Variants in HSD17B6 observed in about 807,000 individuals in gnomAD.
HSD17B6 encodes the protein 17-beta-hydroxysteroid dehydrogenase type 6.
A neutral mutation model predicts 26.4 loss-of-function variants in HSD17B6; 16 were observed. That is an observed-to-expected ratio of 0.61 (90% CI 0.41 to 0.92). HSD17B6 has a LOEUF of 0.92. Among genes scored for constraint, HSD17B6 ranks in the 40% least tolerant of loss-of-function variants. The pLI, the probability that HSD17B6 is intolerant of heterozygous loss-of-function variation, is 0.00. For missense variants in HSD17B6, 357 were observed against 386.1 expected (o/e 0.92, Z 0.63); for synonymous variants, 139 against 153.0 (o/e 0.91, Z 0.68).
chr12:56,773,786 T>C, intron 1 of HSD17B6, 48 bp from the exon 2 acceptor site: 2 of 1,472,094 alleles, frequency 1.4e-6, no homozygotes, highest in South Asian at 2.8e-5. Flanking sequence ...AATAGATATA[T>C]TGGTTAAATA....
intron 2 of HSD17B6, among the ~76,000 whole-genome samples, chr12:56,776,710 G>A (rs183791556): frequency 9.2e-5 from 14 of 152,154 alleles, no homozygotes; most frequent in East Asian, 5.8e-4. Context: ...GAAGTGCAGC[G>A]GTGCAATAAT....
intron 2 of HSD17B6, among the ~76,000 whole-genome samples, chr12:56,780,648 G>C (rs1386258332): frequency 6.6e-6 from 1 of 151,932 alleles, no homozygotes; most frequent in Non-Finnish European, 1.5e-5. Flanking sequence ...CACGAGGTCA[G>C]GAGATCGAGA....
intron 3 of HSD17B6, among the ~76,000 whole-genome samples, chr12:56,784,432 T>C (rs1409129850): frequency 1.3e-5 from 2 of 152,108 alleles, no homozygotes; most frequent in African/African-American, 2.4e-5. Context: ...CCCGGCACCT[T>C]GGGAGGCCAA....
At chr12:56,771,675 C>T (rs1954476981) in intron 1 of HSD17B6, among the ~76,000 whole-genome samples, 1 of 152,118 alleles carries the variant, frequency 6.6e-6, no homozygotes, top group Non-Finnish European at 1.5e-5. Flanking sequence ...CCAGGCTGAT[C>T]TCAAACTCCT....
intron 3 of HSD17B6, among the ~76,000 whole-genome samples, chr12:56,784,227 A>C (rs1371445463): frequency 6.7e-6 from 1 of 149,386 alleles, no homozygotes. Flanking sequence ...CTCACATCCC[A>C]GATGATGGGT....
At chr12:56,774,558 C>T (rs1828178595) in intron 2 of HSD17B6, among the ~76,000 whole-genome samples, 6 of 152,134 alleles carry the variant, frequency 3.9e-5, no homozygotes, top group Admixed American at 3.9e-4. Flanking sequence ...TTATTGTGCA[C>T]TTCATTATAT....
At chr12:56,777,479 C>T (rs1421095187) in intron 2 of HSD17B6, among the ~76,000 whole-genome samples, 40 of 151,586 alleles carry the variant, frequency 2.6e-4, no homozygotes, top group Admixed American at 2.6e-3. Context: ...ATTCTCCTGC[C>T]TCAGCCTCCC....
chr12:56,784,280 C>T lies in HSD17B6; in HGVS notation c.573-573C>T, dbSNP rs75537423. ...CCTCACTTCCCAGACGGGGTGGCAG[C>T]CGGGCAGAGGCTGCAATCTCGGCAT... On this transcript the variant is annotated intron_variant, in intron 3 of 4. Transcript: ENST00000322165. Among the ~76,000 whole-genome samples the T allele has an allele frequency of 3.3e-3, 504 of 152,318 alleles. 2 individuals are homozygous for T. Among genetic ancestry groups the T allele is most frequent in the African/African-American group, 0.011 (478 of 41,592 alleles).
intron 1 of HSD17B6, among the ~76,000 whole-genome samples, chr12:56,765,619 C>A (rs997777144): frequency 1.3e-4 from 19 of 151,878 alleles, no homozygotes; most frequent in Non-Finnish European, 1.8e-4. Flanking sequence ...CCCCCTCCCC[C>A]CACCGTGTCA....
In HSD17B6 at chr12:56,773,851, C is replaced by T; in HGVS notation, c.-2C>T. 6.5e-7 allele frequency: 1 copy of T among 1,545,304 alleles called. No individual in the cohort carries two copies. Among genetic ancestry groups the T allele is most frequent in the South Asian group, 1.2e-5 (1 of 80,460 alleles). ...ATTGAAAGAGAAGGAAGCACCCTCA[C>T]TATGTGGCTCTACCTGGCGGCCTTC... On this transcript the variant is annotated 5_prime_UTR_variant, in exon 2 of 5. Coordinates refer to ENST00000322165, the MANE Select transcript of HSD17B6 (RefSeq NM_003725.4).
At chr12:56,768,236 G>GGAGAA (rs1954386841) in intron 1 of HSD17B6, among the ~76,000 whole-genome samples, 1 of 152,084 alleles carries the variant, frequency 6.6e-6, no homozygotes, top group East Asian at 1.9e-4. Context: ...TGAGGTCTGA[G>GGAGAA]GAGAAGAGAG....
intron 3 of HSD17B6, among the ~76,000 whole-genome samples, chr12:56,784,122 G>A (rs1192235826): frequency 1.3e-5 from 2 of 151,242 alleles, no homozygotes; most frequent in East Asian, 1.9e-4. Context: ...ATGGGATGGC[G>A]GCCGGGAAGA....
chr12:56,787,266 C>G lies in HSD17B6; in HGVS notation c.878C>G (p.Pro293Arg). Residue 293 changes from proline (P) to arginine (R), a missense_variant, in exon 5 of 5, where the codon CCT (proline) becomes CGT (arginine). Transcript: ENST00000322165. Reference protein sequence around the residue: ...AGWDAKFFFIPLSYLPTSLAD... With the variant: ...AGWDAKFFFIRLSYLPTSLAD... ...TGGGATGCTAAATTTTTCTTCATCC[C>G]TCTATCTTATTTACCTACATCACTG... The G allele has an allele frequency of 6.2e-7, 1 of 1,614,142 alleles. No homozygotes were observed. The highest frequency in any genetic ancestry group is 8.5e-7 in the Non-Finnish European group (1 of 1,180,008).
intron 2 of HSD17B6, among the ~76,000 whole-genome samples, chr12:56,779,158 G>A (rs770934929): frequency 1.3e-5 from 2 of 150,826 alleles, no homozygotes; most frequent in Non-Finnish European, 2.9e-5. Context: ...TTTTTTAGAG[G>A]CAAAGTCTCA....
At chr12:56,773,342 A>G (rs1592362094) in intron 1 of HSD17B6, among the ~76,000 whole-genome samples, 1 of 152,334 alleles carries the variant, frequency 6.6e-6, no homozygotes, top group East Asian at 1.9e-4. Flanking sequence ...CAGATTCCGT[A>G]GTGTGGCTTA....
At position 56,781,996 on chromosome 12, in the gene HSD17B6, T is replaced by C; in HGVS notation, c.336T>C (p.Asn112=). The C allele has an allele frequency of 1.9e-6, 3 of 1,614,132 alleles. No homozygotes were observed. The highest frequency in any genetic ancestry group is 1.1e-5 in the South Asian group (1 of 91,064). Residue 112 remains asparagine (N), a synonymous_variant, in exon 3 of 5, where the codon AAT becomes AAC. Transcript: ENST00000322165. ...TAGGACTCTGGGGACTGGTGAACAA[T>C]GCAGGCATTCTTACACCAATTACCT... is the stretch of plus-strand genomic sequence containing the variant. ...GDRGLWGLVN[N]AGILTPITLC...
intron 1 of HSD17B6, among the ~76,000 whole-genome samples, chr12:56,773,079 CAT>C (rs200488111): frequency 0.019 from 2,937 of 152,272 alleles, 55 homozygotes; most frequent in Non-Finnish European, 0.028. Flanking sequence ...CATATAGAAA[CAT>C]AGGCATCTGT....
intron 2 of HSD17B6, 38 bp from the exon 3 acceptor site, chr12:56,781,936 T>G: frequency 6.3e-7 from 1 of 1,595,058 alleles, no homozygotes; most frequent in South Asian, 1.1e-5. Context: ...TATTTTTGCC[T>G]GAAACCAAAC....
intron 1 of HSD17B6, among the ~76,000 whole-genome samples, chr12:56,765,712 A>G (rs1327027917): frequency 6.6e-6 from 1 of 150,768 alleles, no homozygotes; most frequent in African/African-American, 2.4e-5. Flanking sequence ...GGATTTTGCC[A>G]TGTTGCTCAG....
Sources: allele counts gnomAD v4.1 joint callset (sites outside exome capture counted in the v4.1 genomes callset), GRCh38; gene constraint gnomAD v4.1.1; transcripts MANE v1.5; gene names NCBI Gene and HGNC (gene_info 2026-07-23, HGNC 2026-07-21).